Variants in GNB4 observed in about 807,000 individuals in gnomAD.
GNB4 encodes guanine nucleotide-binding protein subunit beta-4.
Under a neutral mutation model 45.2 loss-of-function variants are expected in GNB4, and 28 were observed. That is an observed-to-expected ratio of 0.62 (90% CI 0.46 to 0.85). The LOEUF (loss-of-function observed/expected upper bound fraction) is 0.85, where lower values mean the gene tolerates loss of function less well. Among genes scored for constraint, GNB4 ranks in the 40% least tolerant of loss-of-function variants. The probability of loss-of-function intolerance (pLI) is 0.00; values close to 1 mark genes in which losing one functional copy is unlikely to be tolerated. For missense variants in GNB4, 321 were observed against 425.4 expected, an observed-to-expected ratio of 0.75 and a Z score of 2.16; for synonymous variants, 132 against 143.7, an observed-to-expected ratio of 0.92 and a Z score of 0.58.
the GNB4 span, among the ~76,000 whole-genome samples, chr3:179,474,334 C>G: frequency 6.6e-6 from 1 of 152,138 alleles, no homozygotes; most frequent in African/African-American, 2.4e-5. Flanking sequence ...AGCGATTCTC[C>G]TACCTCAGCC....
chr3:179,475,037 G>T, the GNB4 span, among the ~76,000 whole-genome samples: 1 of 152,120 alleles, frequency 6.6e-6, no homozygotes, highest in African/African-American at 2.4e-5. Flanking sequence ...TCCAATGGCA[G>T]GAGGTGGAAG....
intron 1 of GNB4, among the ~76,000 whole-genome samples, chr3:179,427,650 G>C (rs1577034659): frequency 6.6e-6 from 1 of 151,214 alleles, no homozygotes; most frequent in South Asian, 2.1e-4. Flanking sequence ...CTTCAGGTAG[G>C]GTCTCTGTTT....
At chr3:179,420,391 C>T (rs939556495) in intron 3 of GNB4, among the ~76,000 whole-genome samples, 1 of 150,578 alleles carries the variant, frequency 6.6e-6, no homozygotes, top group African/African-American at 2.4e-5. Flanking sequence ...CCTCCCACCT[C>T]GGCCTCCCAA....
At chr3:179,450,627 C>T (rs2108625875) in intron 1 of GNB4, among the ~76,000 whole-genome samples, 1 of 152,224 alleles carries the variant, frequency 6.6e-6, no homozygotes, top group South Asian at 2.1e-4. Flanking sequence ...CAAAGTATTG[C>T]TTGTATAAAC....
At chr3:179,406,907 G>A (rs929091596) in intron 8 of GNB4, among the ~76,000 whole-genome samples, 3 of 151,924 alleles carry the variant, frequency 2.0e-5, no homozygotes, top group Non-Finnish European at 2.9e-5. Flanking sequence ...AAGCCACAGC[G>A]CCTGGCCCCT....
At chr3:179,477,467 T>A in the GNB4 span, among the ~76,000 whole-genome samples, 689 of 152,344 alleles carry the variant, frequency 4.5e-3, 6 homozygotes, top group African/African-American at 0.016. Context: ...AACTGTCTAA[T>A]AAGAATGGCC....
At chr3:179,526,758 A>C in the GNB4 span, among the ~76,000 whole-genome samples, 1 of 152,216 alleles carries the variant, frequency 6.6e-6, no homozygotes, top group Non-Finnish European at 1.5e-5. Context: ...TGGAAAGCAG[A>C]ACAAAATTTT....
the GNB4 span, among the ~76,000 whole-genome samples, chr3:179,520,255 A>AG: frequency 2.7e-5 from 4 of 150,836 alleles, no homozygotes; most frequent in East Asian, 5.9e-4. Flanking sequence ...ACTTCAGTCG[A>AG]GCCCAAATTT....
the GNB4 span, among the ~76,000 whole-genome samples, chr3:179,487,785 T>C: frequency 1.3e-5 from 2 of 152,168 alleles, no homozygotes; most frequent in Non-Finnish European, 2.9e-5. Context: ...GTGCGTTGGC[T>C]CACACCTGTA....
At chr3:179,472,376 T>C in the GNB4 span, among the ~76,000 whole-genome samples, 4 of 150,344 alleles carry the variant, frequency 2.7e-5, no homozygotes, top group South Asian at 6.3e-4. Flanking sequence ...CTTTCTTTTT[T>C]TTTTTTTTTT....
chr3:179,407,065 C>T (rs1714494396), intron 8 of GNB4, among the ~76,000 whole-genome samples: 2 of 152,258 alleles, frequency 1.3e-5, no homozygotes, highest in South Asian at 4.2e-4. Flanking sequence ...TGGATTTGCT[C>T]CATGCCTTAA....
At chr3:179,436,286 A>G (rs1475454266) in intron 1 of GNB4, among the ~76,000 whole-genome samples, 2 of 152,188 alleles carry the variant, frequency 1.3e-5, no homozygotes, top group African/African-American at 4.8e-5. Context: ...GCTACTCCAG[A>G]GGCTGAGGCA....
chr3:179,484,001 G>C, the GNB4 span, among the ~76,000 whole-genome samples: 1 of 152,130 alleles, frequency 6.6e-6, no homozygotes, highest in East Asian at 1.9e-4. Context: ...CTCAAAAAAG[G>C]ACATTAGAAC....
At chr3:179,469,669 A>G in the GNB4 span, among the ~76,000 whole-genome samples, 7 of 152,338 alleles carry the variant, frequency 4.6e-5, no homozygotes, top group Admixed American at 3.9e-4. Flanking sequence ...CTTGAGAAAC[A>G]CTGAGGAATA....
intron 5 of GNB4, among the ~76,000 whole-genome samples, chr3:179,415,924 C>CA (rs2108592265): frequency 6.6e-6 from 1 of 152,168 alleles, no homozygotes; most frequent in African/African-American, 2.4e-5. Flanking sequence ...TATGTATACA[C>CA]AGAGTATAAA....
the GNB4 span, among the ~76,000 whole-genome samples, chr3:179,522,831 G>T: frequency 6.6e-6 from 1 of 152,172 alleles, no homozygotes; most frequent in Non-Finnish European, 1.5e-5. Context: ...AAACAGTAAG[G>T]GCAAGTTGTT....
At chr3:179,425,884 T>C (rs1291807783) in intron 2 of GNB4, among the ~76,000 whole-genome samples, 1 of 152,254 alleles carries the variant, frequency 6.6e-6, no homozygotes, top group Non-Finnish European at 1.5e-5. Flanking sequence ...ATTCTAGGCA[T>C]GTAAATAAAA....
At chr3:179,491,666 A>C in the GNB4 span, among the ~76,000 whole-genome samples, 34 of 152,288 alleles carry the variant, frequency 2.2e-4, no homozygotes, top group African/African-American at 8.2e-4. Context: ...CCTGGTCCAA[A>C]ATGGAGTTGT....
chr3:179,404,463 A>G (rs1309171833), intron 9 of GNB4, among the ~76,000 whole-genome samples: 1 of 152,102 alleles, frequency 6.6e-6, no homozygotes, highest in African/African-American at 2.4e-5. Context: ...AATCCCAGCT[A>G]CTCCAGAGGC....
Sources: allele counts gnomAD v4.1 joint callset (sites outside exome capture counted in the v4.1 genomes callset), GRCh38; gene constraint gnomAD v4.1.1; transcripts MANE v1.5; gene names NCBI Gene and HGNC (gene_info 2026-07-23, HGNC 2026-07-21).